TDRD5: variants seen among roughly 807,000 people sequenced by gnomAD.
TDRD5 encodes the protein tudor domain containing 5, also known as tudor domain-containing protein 5.
TDRD5 carries 41 observed loss-of-function variants against 120.6 expected under a neutral mutation model. The ratio of observed to expected loss-of-function variants is 0.34; its 90% CI spans 0.26 to 0.44. The LOEUF (loss-of-function observed/expected upper bound fraction) is 0.44. Ranked by LOEUF, TDRD5 falls within the 20% of genes least tolerant of loss-of-function variation. TDRD5 has a pLI of 1.00. For missense variants in TDRD5, 1,006 were observed against 1,221.2 expected (o/e 0.82, Z 2.63); for synonymous variants, 430 against 433.7 (o/e 0.99, Z 0.11).
rs933288369 is a variant in TDRD5, at chr1:179,690,717, T to A, written c.2882T>A (p.Leu961Gln). The change falls in exon 18 of 18, where the codon CTA becomes CAA. Residue 961 changes from leucine (L) to glutamine (Q), a missense_variant. Physicochemically the swap from Leu to Gln is moderately radical, Grantham distance 113. This residue lies in a region of TDRD5 where 403 missense variants were observed against 448.1 expected (regional missense o/e 0.90). Transcript: ENST00000444136. ...CCAGTGGAAAGCTCACCAGAGATCC[T>A]AAAGAATGAAGATTTTTCTAGCAGC... ...SGSVESSPEI[L>Q]KNEDFSSSRA... 6.2e-7 allele frequency: 1 copy of A among 1,613,850 alleles called. No individual in the cohort carries two copies. The highest frequency in any genetic ancestry group is 1.3e-5 in the African/African-American group (1 of 74,882).
At chr1:179,631,050 AAT>A in intron 7 of TDRD5, 130 bp downstream of exon 7, 1 of 980,648 alleles carries the variant, frequency 1.0e-6, no homozygotes, top group Non-Finnish European at 1.5e-6. Flanking sequence ...TATTTGTTGT[AAT>A]AAGGTTAATC....
chr1:179,613,066 A>G (rs1308742515), intron 4 of TDRD5, among the ~76,000 whole-genome samples: 1 of 152,112 alleles, frequency 6.6e-6, no homozygotes, highest in East Asian at 1.9e-4. Flanking sequence ...ATAAATAAAT[A>G]TCTTCTCATC....
chr1:179,608,696 T>G (rs1177667682), intron 4 of TDRD5, among the ~76,000 whole-genome samples: 1 of 152,132 alleles, frequency 6.6e-6, no homozygotes. Context: ...AATAACTGTT[T>G]TAGAGGGCTT....
Position 179,669,182 on chromosome 1 carries a change from C to G in TDRD5, c.2650-12C>G, listed in dbSNP as rs1407407946. 6.2e-7 allele frequency: 1 copy of G among 1,604,546 alleles called. No individual in the cohort carries two copies. Among genetic ancestry groups the G allele is most frequent in the Non-Finnish European group, 8.5e-7 (1 of 1,175,598 alleles). Reference sequence around the variant, plus strand: ...CTTTTCATGTTTTTGCCCCATTTTTCCCATTCTGCAGCAACTAGACATAAA... The same window carrying G: ...CTTTTCATGTTTTTGCCCCATTTTTGCCATTCTGCAGCAACTAGACATAAA... On this transcript the variant is annotated splice_polypyrimidine_tract_variant and intron_variant, in intron 16 of 17. Transcript: ENST00000444136.
At chr1:179,637,160 AC>A (rs996995572) in intron 9 of TDRD5, among the ~76,000 whole-genome samples, 3 of 152,342 alleles carry the variant, frequency 2.0e-5, no homozygotes, top group East Asian at 3.9e-4. Context: ...ATCTCAAAAA[AC>A]ATTCCATGTT....
intron 6 of TDRD5, among the ~76,000 whole-genome samples, chr1:179,624,317 T>C (rs1677001383): frequency 6.6e-6 from 1 of 152,184 alleles, no homozygotes; most frequent in Non-Finnish European, 1.5e-5. Flanking sequence ...CCTATTAATA[T>C]ACTTGTCATA....
intron 11 of TDRD5, among the ~76,000 whole-genome samples, chr1:179,645,624 T>C (rs933756591): frequency 2.0e-5 from 3 of 152,212 alleles, no homozygotes; most frequent in Non-Finnish European, 4.4e-5. Context: ...GTGAAACTCT[T>C]ATTCGTTCTG....
intron 16 of TDRD5, among the ~76,000 whole-genome samples, chr1:179,665,064 G>T (rs1162517156): frequency 6.6e-6 from 1 of 152,040 alleles, no homozygotes; most frequent in Non-Finnish European, 1.5e-5. Flanking sequence ...GCTTATTGGT[G>T]ATTTATCTTC....
chr1:179,646,139 C>T (rs1010511933), intron 11 of TDRD5, among the ~76,000 whole-genome samples: 2 of 152,052 alleles, frequency 1.3e-5, no homozygotes, highest in African/African-American at 4.8e-5. Flanking sequence ...TTTTTCTCAC[C>T]ATGCATGCCT....
intron 11 of TDRD5, among the ~76,000 whole-genome samples, chr1:179,646,357 A>G (rs1017973062): frequency 2.6e-5 from 4 of 152,206 alleles, no homozygotes; most frequent in African/African-American, 7.2e-5. Context: ...CAAAAACCAC[A>G]TGATTATCTC....
chr1:179,669,413 G>T lies in TDRD5; in HGVS notation c.2860+9G>T. Reference sequence around the variant, plus strand: ...AAAGCCCTCTGGTTCTGGTATGTTTGTGTGTACTTGTGCATGCTCACAGTT... The same window carrying T: ...AAAGCCCTCTGGTTCTGGTATGTTTTTGTGTACTTGTGCATGCTCACAGTT... On this transcript the variant is annotated intron_variant, in intron 17 of 17. Transcript: ENST00000444136. The T allele has an allele frequency of 1.2e-6, 2 of 1,613,496 alleles. No homozygotes were observed. The highest frequency in any genetic ancestry group is 1.1e-5 in the South Asian group (1 of 91,036).
At position 179,663,374 on chromosome 1, in the gene TDRD5, T is replaced by A; in HGVS notation, c.2532T>A (p.Asp844Glu). The stretch of plus-strand genomic sequence containing the variant: ...ACTGGTGTTTTTCTACCCCTAAAGA[T>A]ACATGGGATGATTCTTGGCAGCCTT... ...QKDWCFSTPK[D>E]TWDDSWQPSG... The change falls in exon 16 of 18, where the codon GAT becomes GAA. Residue 844 changes from aspartate (D) to glutamate (E), a missense_variant. Physicochemically the swap from Asp to Glu is conservative, Grantham distance 45. Coordinates refer to ENST00000444136, the MANE Select transcript of TDRD5 (RefSeq NM_001199085.3). 1 of 1,613,504 alleles carries A rather than the reference T, an allele frequency of 6.2e-7. No homozygotes were observed.
chr1:179,592,851 G>A lies in TDRD5; in HGVS notation c.232+4G>A. 1 of 1,613,600 alleles carries A rather than the reference G, an allele frequency of 6.2e-7. No individual in the cohort carries two copies. Among genetic ancestry groups the A allele is most frequent in the Non-Finnish European group, 8.5e-7 (1 of 1,179,652 alleles). On this transcript the variant is annotated splice_donor_region_variant and intron_variant, in intron 2 of 17. Transcript: ENST00000444136. ...GGTGGTACTGTAATACTGAAAGGTAGGTTTAAGATTTTTGAAGGTCTATAA... is the reference window on the plus strand; with the variant it reads ...GGTGGTACTGTAATACTGAAAGGTAAGTTTAAGATTTTTGAAGGTCTATAA...
At chr1:179,628,307 T>C (rs1677240815) in intron 6 of TDRD5, among the ~76,000 whole-genome samples, 1 of 105,092 alleles carries the variant, frequency 9.5e-6, no homozygotes, top group South Asian at 3.1e-4. Context: ...ATTTATTTAT[T>C]TCTTTTCTTT....
intron 17 of TDRD5, among the ~76,000 whole-genome samples, chr1:179,672,888 CA>C (rs1298736683): frequency 1.3e-5 from 2 of 152,052 alleles, no homozygotes; most frequent in East Asian, 3.8e-4. Flanking sequence ...TTTGCTTTGT[CA>C]AAAATCAGTT....
chr1:179,644,407 C>T (rs1678225741), intron 11 of TDRD5, among the ~76,000 whole-genome samples: 1 of 152,048 alleles, frequency 6.6e-6, no homozygotes, highest in Non-Finnish European at 1.5e-5. Context: ...GTAATAACTA[C>T]AGGAGTATAA....
chr1:179,646,271 T>G (rs1016969370), intron 11 of TDRD5, among the ~76,000 whole-genome samples: 1 of 152,208 alleles, frequency 6.6e-6, no homozygotes, highest in Non-Finnish European at 1.5e-5. Flanking sequence ...TCCTTTACCC[T>G]CCTCTTCTAA....
intron 14 of TDRD5, among the ~76,000 whole-genome samples, chr1:179,654,853 AG>A (rs1187759474): frequency 1.3e-5 from 2 of 152,320 alleles, no homozygotes; most frequent in African/African-American, 4.8e-5. Context: ...TCATAAAAAA[AG>A]GTATCTGGCT....
At chr1:179,669,667 G>A (rs1237084149) in intron 17 of TDRD5, among the ~76,000 whole-genome samples, 1 of 151,896 alleles carries the variant, frequency 6.6e-6, no homozygotes, top group Non-Finnish European at 1.5e-5. Context: ...GTTGTCAAGT[G>A]TATAGTTCTT....
Sources: allele counts gnomAD v4.1 joint callset (sites outside exome capture counted in the v4.1 genomes callset), GRCh38; gene constraint gnomAD v4.1.1; regional missense constraint gnomAD v4.1.1; transcripts MANE v1.5; gene names NCBI Gene and HGNC (gene_info 2026-07-23, HGNC 2026-07-21).